The following TUSC3 variants were observed in gnomAD, a reference collection of about 807,000 sequenced individuals.
TUSC3 encodes the protein tumor suppressor candidate 3.
A neutral mutation model predicts 44.8 loss-of-function variants in TUSC3; 45 were observed. The observed-to-expected ratio is 1.00, with a 90% CI of 0.79 to 1.29. The LOEUF (loss-of-function observed/expected upper bound fraction) is 1.29. Ranked by LOEUF, TUSC3 falls within the 50% of genes most tolerant of loss-of-function variation. The pLI is 0.00. For synonymous variants in TUSC3, 212 were observed against 152.9 expected (o/e 1.39, Z -2.85); for missense variants, 519 against 437.9 (o/e 1.19, Z -1.65).
At chr8:15,527,283 C>G (rs866817353) in intron 2 of TUSC3, among the ~76,000 whole-genome samples, 10 of 152,170 alleles carry the variant, frequency 6.6e-5, no homozygotes, top group African/African-American at 1.9e-4. Context: ...GTGGAACAAT[C>G]TTGGCTCACT....
At chr8:15,737,411 C>G (rs1410351620) in intron 7 of TUSC3, among the ~76,000 whole-genome samples, 2 of 152,004 alleles carry the variant, frequency 1.3e-5, no homozygotes, top group Non-Finnish European at 2.9e-5. Context: ...ATGCTCAGTG[C>G]CTCTGGGTAT....
intron 7 of TUSC3, among the ~76,000 whole-genome samples, chr8:15,734,178 A>G (rs748083900): frequency 6.6e-6 from 1 of 152,206 alleles, no homozygotes; most frequent in Admixed American, 6.5e-5. Context: ...CAAATACCAG[A>G]TGATTACTTT....
chr8:15,651,066 A>G (rs1428967246), intron 3 of TUSC3: 9 of 433,576 alleles, frequency 2.1e-5, no homozygotes, highest in Admixed American at 3.9e-5. Flanking sequence ...ATAAGTAGTT[A>G]TAATACATTT....
chr8:15,700,110 A>G (rs1170841686), intron 6 of TUSC3, among the ~76,000 whole-genome samples: 1 of 152,190 alleles, frequency 6.6e-6, no homozygotes, highest in Non-Finnish European at 1.5e-5. Context: ...TGAAGGCATC[A>G]GCTTAGGGTA....
intron 2 of TUSC3, among the ~76,000 whole-genome samples, chr8:15,502,284 C>T (rs2129127049): frequency 6.6e-6 from 1 of 152,234 alleles, no homozygotes; most frequent in South Asian, 2.1e-4. Context: ...TCCCAAATGC[C>T]CAATTAAATT....
intron 2 of TUSC3, among the ~76,000 whole-genome samples, chr8:15,495,182 T>A (rs1303442844): frequency 6.6e-6 from 1 of 152,204 alleles, no homozygotes; most frequent in Non-Finnish European, 1.5e-5. Context: ...GATTTACGTA[T>A]CTTCCACCCT....
chr8:15,818,792 C>A, the TUSC3 span, among the ~76,000 whole-genome samples: 1 of 152,232 alleles, frequency 6.6e-6, no homozygotes. Context: ...AACTAGATTG[C>A]TGCTGCCCCT....
chr8:15,484,699 A>G (rs1009295478), intron 2 of TUSC3, among the ~76,000 whole-genome samples: 1 of 152,214 alleles, frequency 6.6e-6, no homozygotes, highest in African/African-American at 2.4e-5. Flanking sequence ...CTTGCTTTGC[A>G]CAGTGGCGCA....
At chr8:15,661,543 G>A (rs772753907) in intron 4 of TUSC3, among the ~76,000 whole-genome samples, 3 of 151,860 alleles carry the variant, frequency 2.0e-5, no homozygotes, top group Non-Finnish European at 4.4e-5. Context: ...CTATAGGCAC[G>A]TAATGTCCAT....
At chr8:15,840,974 G>C in the TUSC3 span, among the ~76,000 whole-genome samples, 2 of 152,150 alleles carry the variant, frequency 1.3e-5, no homozygotes, top group East Asian at 1.9e-4. Flanking sequence ...GTGGTTGCTA[G>C]AGGACATGTA....
rs1804626481 is a variant in TUSC3, at chr8:15,608,517, A to G, written c.139-14563A>G. ...CGGAGATTTTTACCTTTGTATATTGATATGGTTTGGCTCTGTGTCCCCATC... is the reference window on the plus strand; with the variant it reads ...CGGAGATTTTTACCTTTGTATATTGGTATGGTTTGGCTCTGTGTCCCCATC... On this transcript the variant is annotated intron_variant, in intron 1 of 10. Transcript: ENST00000503731. Among the ~76,000 whole-genome samples the G allele has an allele frequency of 2.0e-5, 3 of 152,128 alleles. No homozygotes were observed. In the South Asian group the frequency reaches 6.2e-4, roughly 32 times the overall value.
the TUSC3 span, among the ~76,000 whole-genome samples, chr8:15,834,804 A>C: frequency 6.6e-6 from 1 of 152,172 alleles, no homozygotes; most frequent in Non-Finnish European, 1.5e-5. Context: ...TACATAGTAC[A>C]GTTTACCCTT....
intron 6 of TUSC3, among the ~76,000 whole-genome samples, chr8:15,674,778 A>G (rs1808109685): frequency 6.6e-6 from 1 of 152,064 alleles, no homozygotes; most frequent in Non-Finnish European, 1.5e-5. Context: ...TTTTTGCTAT[A>G]TTTATATGTT....
intron 1 of TUSC3, among the ~76,000 whole-genome samples, chr8:15,603,171 A>C (rs1373104477): frequency 6.6e-6 from 1 of 151,710 alleles, no homozygotes; most frequent in East Asian, 1.9e-4. Flanking sequence ...AAGAACTACT[A>C]CAAATTAATA....
chr8:15,802,095 T>A, the TUSC3 span, among the ~76,000 whole-genome samples: 3 of 152,170 alleles, frequency 2.0e-5, no homozygotes, highest in African/African-American at 7.2e-5. Flanking sequence ...CTTGTTCCGT[T>A]CATGCGCCTG....
chr8:15,837,884 T>A, the TUSC3 span, among the ~76,000 whole-genome samples: 1 of 152,224 alleles, frequency 6.6e-6, no homozygotes, highest in Non-Finnish European at 1.5e-5. Flanking sequence ...CTTTTAAAAT[T>A]ATTTATCAGT....
intron 5 of TUSC3, among the ~76,000 whole-genome samples, chr8:15,668,444 G>A (rs897842054): frequency 4.6e-5 from 7 of 151,724 alleles, no homozygotes; most frequent in East Asian, 1.9e-4. Flanking sequence ...TGAAAGCTAC[G>A]TGTATCAAAA....
intron 1 of TUSC3, among the ~76,000 whole-genome samples, chr8:15,563,683 C>G (rs1459766423): frequency 2.0e-5 from 1 of 51,240 alleles, no homozygotes; most frequent in Non-Finnish European, 3.9e-5. Context: ...GAGCCTCCAT[C>G]TCAAAAAAAA....
chr8:15,822,701 C>T, the TUSC3 span, among the ~76,000 whole-genome samples: 1 of 152,036 alleles, frequency 6.6e-6, no homozygotes, highest in African/African-American at 2.4e-5. Context: ...AAGGAGCATC[C>T]TGTGAGGTAT....
Sources: gnomAD v4.1 joint callset for allele counts (sites outside exome capture counted in the v4.1 genomes callset) on GRCh38, gnomAD v4.1.1 for gene constraint, MANE v1.5 for transcripts, NCBI Gene and HGNC (gene_info 2026-07-23, HGNC 2026-07-21) for gene names.